DOK6: variants seen among roughly 807,000 people sequenced by gnomAD.
The protein encoded by DOK6 is docking protein 6.
In DOK6, 22 loss-of-function variants were observed where a neutral mutation model predicts 44.0. That is an observed-to-expected ratio of 0.50 (90% confidence interval 0.36 to 0.71). The LOEUF (loss-of-function observed/expected upper bound fraction) is 0.71, where lower values mean the gene tolerates loss of function less well. Among genes scored for constraint, DOK6 ranks in the 30% least tolerant of loss-of-function variants. DOK6 has a pLI of 0.00. For synonymous variants in DOK6, 166 were observed against 145.5 expected (o/e 1.14, Z -1.01); for missense variants, 340 against 416.4 (o/e 0.82, Z 1.60).
chr18:69,517,560 T>C (rs1019315846), intron 1 of DOK6, among the ~76,000 whole-genome samples: 1 of 152,170 alleles, frequency 6.6e-6, no homozygotes, highest in Non-Finnish European at 1.5e-5. Context: ...ATGCATTGAC[T>C]GATTGTAGCT....
At chr18:69,628,345 C>A (rs1313779739) in intron 3 of DOK6, among the ~76,000 whole-genome samples, 1 of 152,128 alleles carries the variant, frequency 6.6e-6, no homozygotes, top group Admixed American at 6.5e-5. Context: ...TAAAACTTAT[C>A]CAGGTTTCAT....
chr18:69,488,376 G>A (rs1980642668), intron 1 of DOK6, among the ~76,000 whole-genome samples: 1 of 152,122 alleles, frequency 6.6e-6, no homozygotes, highest in African/African-American at 2.4e-5. Context: ...CTCTGTTTGG[G>A]CTGCTACCCA....
At chr18:69,477,803 A>G (rs576483746) in intron 1 of DOK6, among the ~76,000 whole-genome samples, 2 of 152,324 alleles carry the variant, frequency 1.3e-5, no homozygotes, top group African/African-American at 4.8e-5. Flanking sequence ...CTTACATATT[A>G]GCATGAATTT....
At chr18:69,575,707 A>G (rs1460203711) in intron 2 of DOK6, among the ~76,000 whole-genome samples, 1 of 152,208 alleles carries the variant, frequency 6.6e-6, no homozygotes, top group African/African-American at 2.4e-5. Context: ...TATCAATACT[A>G]TGTAACTATA....
Position 69,728,668 on chromosome 18 carries a change from C to A in DOK6, c.600-10297C>A, listed in dbSNP as rs565896197. On this transcript the variant is annotated intron_variant, in intron 5 of 7. Transcript: ENST00000382713. Reference sequence around the variant, plus strand: ...GCCATTGCACTACAGTAACTTCCTGCCCCCCTTTACCCGAGTTCTGCTGTG... The same window carrying A: ...GCCATTGCACTACAGTAACTTCCTGACCCCCTTTACCCGAGTTCTGCTGTG... 9.9e-5 allele frequency among the ~76,000 whole-genome samples: 15 copies of A among 151,978 alleles called. No individual in the cohort carries two copies. In the South Asian group the frequency reaches 2.9e-3, roughly 30 times the overall value.
chr18:69,663,363 A>C (rs1040354027), intron 3 of DOK6: 3 of 152,164 alleles, frequency 2.0e-5, no homozygotes, highest in Non-Finnish European at 4.4e-5. Context: ...TCTGTACGAC[A>C]AACCCCCATG....
At chr18:69,581,183 G>A (rs1983360863) in intron 2 of DOK6, among the ~76,000 whole-genome samples, 1 of 152,170 alleles carries the variant, frequency 6.6e-6, no homozygotes, top group South Asian at 2.1e-4. Flanking sequence ...CATAGCAGGG[G>A]TTGGGGCATC....
At chr18:69,733,325 CAGTT>C (rs1257458833) in intron 5 of DOK6, among the ~76,000 whole-genome samples, 3 of 152,276 alleles carry the variant, frequency 2.0e-5, no homozygotes, top group South Asian at 2.1e-4. Flanking sequence ...CAATAAATAA[CAGTT>C]AGTAGGTTTT....
chr18:69,540,022 T>A (rs902969703), intron 1 of DOK6, among the ~76,000 whole-genome samples: 2 of 121,288 alleles, frequency 1.6e-5, no homozygotes, highest in Admixed American at 1.9e-4. Context: ...AAAGAATGCA[T>A]GTGTTGGAGG....
At chr18:69,402,567 G>A (rs1916123749) in intron 1 of DOK6, among the ~76,000 whole-genome samples, 1 of 152,226 alleles carries the variant, frequency 6.6e-6, no homozygotes, top group South Asian at 2.1e-4. Context: ...AGGAGGACGG[G>A]AAAGGCAGAC....
At chr18:69,822,449 A>C (rs1351397730) in intron 7 of DOK6, among the ~76,000 whole-genome samples, 1 of 142,534 alleles carries the variant, frequency 7.0e-6, no homozygotes, top group Non-Finnish European at 1.6e-5. Flanking sequence ...CAATTCCCAA[A>C]AGATGATGTA....
At chr18:69,655,376 TGAAATG>T (rs1420369008) in intron 3 of DOK6, among the ~76,000 whole-genome samples, 1 of 152,028 alleles carries the variant, frequency 6.6e-6, no homozygotes, top group Non-Finnish European at 1.5e-5. Context: ...AAAATGCCAT[TGAAATG>T]GAAAGGATTA....
chr18:69,509,426 A>G (rs1362114505), intron 1 of DOK6, among the ~76,000 whole-genome samples: 1 of 152,036 alleles, frequency 6.6e-6, no homozygotes, highest in African/African-American at 2.4e-5. Context: ...TCACGAGGTC[A>G]GGAGATCGAG....
chr18:69,627,684 T>C lies in DOK6; in HGVS notation c.289+28186T>C, dbSNP rs999298295. On this transcript the variant is annotated intron_variant, in intron 3 of 7. Coordinates refer to ENST00000382713, the MANE Select transcript of DOK6 (RefSeq NM_152721.6). ...CAGGATGGTCTCGATCTCCTGACCT[T>C]GTGATCCGCCCGCCTCGGCCTCCCA... 2.4e-4 allele frequency among the ~76,000 whole-genome samples: 36 copies of C among 152,056 alleles called. No individual in the cohort carries two copies. The East Asian group carries it at 4.8e-3, about 20-fold the overall frequency.
intron 5 of DOK6, among the ~76,000 whole-genome samples, chr18:69,736,455 T>C (rs1025816676): frequency 6.6e-6 from 1 of 151,894 alleles, no homozygotes; most frequent in Non-Finnish European, 1.5e-5. Flanking sequence ...CTATTTTAGA[T>C]AAGAAAAAAA....
intron 3 of DOK6, among the ~76,000 whole-genome samples, chr18:69,641,209 G>A (rs1306197055): frequency 6.7e-5 from 10 of 148,204 alleles, no homozygotes; most frequent in African/African-American, 1.0e-4. Flanking sequence ...GCAAGACTCC[G>A]TCTCAAAAAA....
intron 1 of DOK6, among the ~76,000 whole-genome samples, chr18:69,458,711 A>G (rs1257957177): frequency 6.6e-6 from 1 of 152,238 alleles, no homozygotes; most frequent in African/African-American, 2.4e-5. Context: ...ATCAGTGTAC[A>G]AAAATCAGTA....
At chr18:69,807,879 T>C (rs1189254006) in intron 7 of DOK6, among the ~76,000 whole-genome samples, 1 of 151,740 alleles carries the variant, frequency 6.6e-6, no homozygotes, top group Non-Finnish European at 1.5e-5. Context: ...TAGCAATGGA[T>C]AGATCATCCA....
chr18:69,464,632 A>G (rs1436643738), intron 1 of DOK6, among the ~76,000 whole-genome samples: 3 of 152,244 alleles, frequency 2.0e-5, no homozygotes, highest in Non-Finnish European at 4.4e-5. Context: ...TGTTGACATC[A>G]TCTATAAAGT....
Sources: gnomAD v4.1 joint callset for allele counts (sites outside exome capture counted in the v4.1 genomes callset) on GRCh38, gnomAD v4.1.1 for gene constraint, MANE v1.5 for transcripts, NCBI Gene and HGNC (gene_info 2026-07-23, HGNC 2026-07-21) for gene names.